ZNF3: variants seen among roughly 807,000 people sequenced by gnomAD.
The protein encoded by ZNF3 is C2-H2 type zinc finger protein.
ZNF3 carries 16 observed loss-of-function variants against 36.9 expected under a neutral mutation model. The ratio of observed to expected loss-of-function variants is 0.43; its 90% CI spans 0.29 to 0.66. The LOEUF is 0.66. ZNF3 is among the 30% of genes least tolerant of loss of function. The pLI, the probability that ZNF3 is intolerant of heterozygous loss-of-function variation, is 0.13. For synonymous variants in ZNF3, 201 were observed against 201.9 expected (o/e 1.00, Z 0.04); for missense variants, 462 against 543.1 (o/e 0.85, Z 1.48).
Position 100,071,927 on chromosome 7 carries a change from T to C in ZNF3, c.557A>G (p.Asn186Ser), listed in dbSNP as rs1475521731. The change falls in exon 6 of 6, where the codon AAC becomes AGC. Residue 186 changes from asparagine to serine, a missense_variant. Asn to Ser is a conservative substitution (Grantham distance 46). Transcript: ENST00000299667. ...DFGNSFTVNS[N>S]LISHQRLPVG... ...GGGGAGTCTCTGATGTGAGATAAGG[T>C]TGGAATTCACAGTGAAGCTGTTCCC... is the stretch of plus-strand genomic sequence containing the variant. 1 of 1,614,196 alleles carries C rather than the reference T, an allele frequency of 6.2e-7. No individual in the cohort carries two copies. The highest frequency in any genetic ancestry group is 2.2e-5 in the East Asian group (1 of 44,886).
At chr7:100,065,063 C>T, downstream of ZNF3, 6 of 1,009,452 alleles carry the variant, frequency 5.9e-6, no homozygotes, top group Non-Finnish European at 5.7e-6. Context: ...ATTATTATAA[C>T]AAATGATGTG....
Position 100,070,426 on chromosome 7 carries a change from CCTCACA to C in ZNF3, c.*711_*716del. 2.0e-6 allele frequency: 2 copies of C among 985,480 alleles called. No individual in the cohort carries two copies. Among genetic ancestry groups the C allele is most frequent in the Non-Finnish European group, 2.4e-6 (2 of 829,994 alleles). The allele number at this position is 985,480 out of a possible 1,614,324, so 61.0% of individuals were successfully genotyped here. A position where few individuals can be genotyped will look rare whatever the true frequency, so the allele number is the denominator to read the frequency against. ...AACGCTAAGTGCTTCTGACCCTCTC[CCTCACA>C]GCCGGTTACTAGCTGTTTGGACAGA... On this transcript the variant is annotated 3_prime_UTR_variant, in exon 6 of 6. Coordinates refer to ENST00000299667, the MANE Select transcript of ZNF3 (RefSeq NM_032924.5).
At chr7:100,078,238 T>C (rs1789305493) in intron 2 of ZNF3, among the ~76,000 whole-genome samples, 1 of 151,954 alleles carries the variant, frequency 6.6e-6, no homozygotes. Flanking sequence ...GGCTCATGCC[T>C]GTAATCCCAG....
rs1793867454 is a variant in ZNF3 at position 100,075,145 on chromosome 7, C to A, written c.261G>T (p.Val87=). 6.8e-6 allele frequency: 11 copies of A among 1,609,292 alleles called. No homozygotes were observed. In the East Asian group the frequency reaches 2.5e-4, roughly 36 times the overall value. The change falls in exon 5 of 6, where the codon GTG becomes GTT. Residue 87 remains valine, a synonymous_variant. Transcript: ENST00000299667. ...RDVMLENYGN[V]FSLDRETRTE... is the part of the protein sequence containing the mutation. ...GGCATAACTCCTTACCCAGTGAGAA[C>A]ACATTCCCGTAATTCTCCAGCATCA... is the stretch of plus-strand genomic sequence containing the variant.
downstream of ZNF3, among the ~76,000 whole-genome samples, chr7:100,067,864 G>A (rs577444341): frequency 2.0e-5 from 3 of 152,266 alleles, no homozygotes; most frequent in Admixed American, 6.5e-5. Context: ...ACCTGCCCAG[G>A]CTTGATGCTG....
rs963141793 is a variant in ZNF3 at position 100,079,616 on chromosome 7, G to A, written c.-157C>T. On this transcript the variant is annotated 5_prime_UTR_variant, in exon 2 of 6. Coordinates refer to ENST00000299667, the MANE Select transcript of ZNF3 (RefSeq NM_032924.5). ...AATTACTGGGAATTTAGCAGCCTCT[G>A]TTCAAGTTCCCGGGAATTCTGACTT... The A allele has an allele frequency of 6.6e-6, 1 of 152,178 alleles. No individual in the cohort carries two copies. Among genetic ancestry groups the A allele is most frequent in the African/African-American group, 2.4e-5 (1 of 41,442 alleles). The allele number at this position is 152,178 out of a possible 1,614,324, so 9.4% of individuals were successfully genotyped here.
rs373566006 is a variant in ZNF3, at chr7:100,072,623, G to A, written c.272-411C>T. Reference sequence around the variant, plus strand: ...AAGTACAGGACAGTTGGTGAGAAAAGGGGGGAAGGGTGAGGAGAGACAGCA... The same window carrying A: ...AAGTACAGGACAGTTGGTGAGAAAAAGGGGGAAGGGTGAGGAGAGACAGCA... On this transcript the variant is annotated intron_variant, in intron 5 of 5. Coordinates refer to ENST00000299667, the MANE Select transcript of ZNF3 (RefSeq NM_032924.5). Among the ~76,000 whole-genome samples the A allele has an allele frequency of 1.1e-4, 16 of 152,302 alleles. No individual in the cohort carries two copies. In the East Asian group the frequency reaches 2.7e-3, roughly 26 times the overall value.
chr7:100,081,781 C>G (rs1476184510), upstream of ZNF3: 2 of 152,382 alleles, frequency 1.3e-5, no homozygotes, highest in African/African-American at 2.4e-5. The surrounding 1 kb of genome is among the most constrained non-coding windows in gnomAD (Gnocchi z 4.3). Context: ...GCCACTCACC[C>G]GTACCCCCAA....
downstream of ZNF3, among the ~76,000 whole-genome samples, chr7:100,069,112 G>A (rs1379706511): frequency 2.6e-5 from 4 of 151,968 alleles, no homozygotes; most frequent in African/African-American, 4.8e-5. Context: ...ACAACTGTGA[G>A]CCACTGCGCT....
At chr7:100,065,115 T>C (rs983541956), downstream of ZNF3, 1 of 823,606 alleles carries the variant, frequency 1.2e-6, no homozygotes, top group Non-Finnish European at 1.8e-6. Flanking sequence ...CTATTCCTAC[T>C]GGTTTAGCTT....
intron 1 of ZNF3, among the ~76,000 whole-genome samples, chr7:100,080,217 C>T (rs1369284215): frequency 1.3e-5 from 2 of 152,156 alleles, no homozygotes; most frequent in Non-Finnish European, 2.9e-5. Flanking sequence ...CACTGTGCTC[C>T]GAACTACTTC....
intron 5 of ZNF3, among the ~76,000 whole-genome samples, chr7:100,073,200 C>T (rs958217634): frequency 1.3e-5 from 2 of 152,000 alleles, no homozygotes; most frequent in African/African-American, 4.8e-5. Flanking sequence ...CCAGATCTGC[C>T]GGGGACAGAA....
downstream of ZNF3, chr7:100,065,110 C>A: frequency 1.2e-6 from 1 of 855,530 alleles, no homozygotes; most frequent in Non-Finnish European, 1.7e-6. Context: ...GAAAACTATT[C>A]CTACTGGTTT....
In ZNF3 at chr7:100,071,417, T is replaced by C. The variant is rs557792771; in HGVS notation, c.1067A>G (p.Tyr356Cys). 6.2e-6 allele frequency: 10 copies of C among 1,613,918 alleles called. No individual in the cohort carries two copies. The highest frequency in any genetic ancestry group is 2.2e-5 in the South Asian group (2 of 91,064). ...GKAFSQSSHLYQHQRIHTGEK... is the reference protein window; with the variant it reads ...GKAFSQSSHLCQHQRIHTGEK... ...TCCAGTGTGGATTCTCTGGTGCTGA[T>C]AGAGGTGTGAGCTCTGGCTGAAGGC... Residue 356 changes from tyrosine to cysteine, a missense_variant, in exon 6 of 6, where the codon TAT (tyrosine) becomes TGT (cysteine). Transcript: ENST00000299667.
exon 6 of ZNF3, chr7:100,064,377 G>A (rs769342962): frequency 1.2e-6 from 2 of 1,614,058 alleles, no homozygotes; most frequent in South Asian, 1.1e-5. Flanking sequence ...ACGAATGTGG[G>A]AAGAGCTTCA....
At chr7:100,078,273 A>G (rs1219589227) in intron 2 of ZNF3, among the ~76,000 whole-genome samples, 2 of 151,634 alleles carry the variant, frequency 1.3e-5, no homozygotes, top group Non-Finnish European at 2.9e-5. Flanking sequence ...GAGGCAGGCA[A>G]ATCACGAGGT....
exon 6 of ZNF3, chr7:100,064,381 A>C: frequency 1.2e-6 from 2 of 1,614,052 alleles, no homozygotes; most frequent in Non-Finnish European, 1.7e-6. Flanking sequence ...ATGTGGGAAG[A>C]GCTTCAGTCA....
At chr7:100,066,587 AT>A (rs1792661080), downstream of ZNF3, among the ~76,000 whole-genome samples, 1 of 151,096 alleles carries the variant, frequency 6.6e-6, no homozygotes, top group Non-Finnish European at 1.5e-5. Flanking sequence ...AAAAAAAAAA[AT>A]TAGCTGGGCG....
Position 100,077,443 on chromosome 7 carries a change from C to CA in ZNF3, c.-76-11dup. The CA allele has an allele frequency of 1.2e-6, 2 of 1,605,644 alleles. No homozygotes were observed. Among genetic ancestry groups the CA allele is most frequent in the Non-Finnish European group, 1.7e-6 (2 of 1,175,184 alleles). ...AGAGAATGAGGAAGCACTGCAGAAGCAAAAGTTCAAGGTTCAAAGATAATT... is the reference window on the plus strand; with the variant it reads ...AGAGAATGAGGAAGCACTGCAGAAGCAAAAAGTTCAAGGTTCAAAGATAATT... On this transcript the variant is annotated splice_polypyrimidine_tract_variant and intron_variant, in intron 2 of 5. Coordinates refer to ENST00000299667, the MANE Select transcript of ZNF3 (RefSeq NM_032924.5).
Sources: gnomAD v4.1 joint callset for allele counts (sites outside exome capture counted in the v4.1 genomes callset) on GRCh38, gnomAD v4.1.1 for gene constraint, Gnocchi (gnomAD v3.1) non-coding constraint, MANE v1.5 for transcripts, NCBI Gene and HGNC (gene_info 2026-07-23, HGNC 2026-07-21) for gene names.